The following TNPO1 variants were observed in gnomAD, a reference collection of about 807,000 sequenced individuals.
TNPO1 encodes transportin 1.
In TNPO1, 8 loss-of-function variants were observed where a neutral mutation model predicts 119.5. The ratio of observed to expected loss-of-function variants is 0.07; its 90% CI spans 0.04 to 0.12. The LOEUF (loss-of-function observed/expected upper bound fraction) is 0.12, where lower values mean the gene tolerates loss of function less well. Among genes scored for constraint, TNPO1 ranks in the 10% least tolerant of loss-of-function variants. The pLI, the probability that TNPO1 is intolerant of heterozygous loss-of-function variation, is 1.00. For missense variants in TNPO1, 576 were observed against 1,089.8 expected (o/e 0.53, Z 6.64); for synonymous variants, 362 against 363.0 (o/e 1.00, Z 0.03).
intron 11 of TNPO1, among the ~76,000 whole-genome samples, chr5:72,885,100 G>T (rs1236214389): frequency 3.9e-5 from 6 of 152,210 alleles, no homozygotes; most frequent in African/African-American, 1.4e-4. Flanking sequence ...TGCCTAATGT[G>T]CCAGGCACTA....
At chr5:72,857,623 T>C (rs1436466060) in intron 4 of TNPO1, among the ~76,000 whole-genome samples, 3 of 152,246 alleles carry the variant, frequency 2.0e-5, no homozygotes, top group Middle Eastern at 3.4e-3. Context: ...CATACGTAAG[T>C]GGAATGGAAT....
At chr5:72,818,277 G>T (rs549648217) in intron 1 of TNPO1, among the ~76,000 whole-genome samples, 1 of 152,126 alleles carries the variant, frequency 6.6e-6, no homozygotes, top group Non-Finnish European at 1.5e-5. Context: ...ACTCTCAGTG[G>T]CTTTATTACC....
intron 1 of TNPO1, among the ~76,000 whole-genome samples, chr5:72,831,389 AT>A (rs1487795568): frequency 6.6e-6 from 1 of 151,922 alleles, no homozygotes; most frequent in Non-Finnish European, 1.5e-5. Flanking sequence ...CATTTGAAAA[AT>A]TAGGAAATTA....
At position 72,870,487 on chromosome 5, in the gene TNPO1, C is replaced by T. The variant is rs563331650; in HGVS notation, c.597-2152C>T. 1.8e-3 allele frequency among the ~76,000 whole-genome samples: 267 copies of T among 152,016 alleles called. 2 individuals are homozygous for T. The highest frequency in any genetic ancestry group is 3.2e-3 in the Non-Finnish European group (215 of 67,912). On this transcript the variant is annotated intron_variant, in intron 6 of 24. Coordinates refer to ENST00000337273, the MANE Select transcript of TNPO1 (RefSeq NM_002270.4). ...AATTGCTTGTTTTTAATGAAGTTTT[C>T]TACTTTTCTTTTTAGAGGCCTTGAA...
Position 72,832,482 on chromosome 5 carries a change from C to A in TNPO1, c.15+15730C>A, listed in dbSNP as rs537008696. On this transcript the variant is annotated intron_variant, in intron 1 of 24. Transcript: ENST00000337273. ...TTAGGAGCTCTCTTTTATGCTTGTT[C>A]ATACAAAGCAGATATTCATCTGCTA... 7.9e-5 allele frequency among the ~76,000 whole-genome samples: 12 copies of A among 152,164 alleles called. No individual in the cohort carries two copies. In the East Asian group the frequency reaches 2.1e-3, roughly 27 times the overall value.
At chr5:72,861,102 G>A (rs1472626029) in intron 4 of TNPO1, among the ~76,000 whole-genome samples, 1 of 151,872 alleles carries the variant, frequency 6.6e-6, no homozygotes, top group Non-Finnish European at 1.5e-5. Flanking sequence ...GTAGAGATGG[G>A]GTTTCTCCAT....
At chr5:72,839,783 G>C (rs1361168247) in intron 1 of TNPO1, among the ~76,000 whole-genome samples, 1 of 152,114 alleles carries the variant, frequency 6.6e-6, no homozygotes, top group African/African-American at 2.4e-5. Flanking sequence ...TTCTCAACTG[G>C]CTATAAGTTC....
At chr5:72,823,042 C>G (rs1190156980) in intron 1 of TNPO1, among the ~76,000 whole-genome samples, 2 of 150,104 alleles carry the variant, frequency 1.3e-5, no homozygotes, top group Non-Finnish European at 1.5e-5. Flanking sequence ...AATTAACTAT[C>G]CATCATCTGC....
intron 1 of TNPO1, among the ~76,000 whole-genome samples, chr5:72,823,264 T>C (rs1292822891): frequency 1.3e-5 from 2 of 152,114 alleles, no homozygotes; most frequent in Non-Finnish European, 2.9e-5. Flanking sequence ...ATCTTCAGTT[T>C]TGAATTATGT....
chr5:72,834,516 A>G (rs1744607475), intron 1 of TNPO1, among the ~76,000 whole-genome samples: 1 of 152,270 alleles, frequency 6.6e-6, no homozygotes, highest in Non-Finnish European at 1.5e-5. Flanking sequence ...TTTAACAAAA[A>G]AGTTTAAAAA....
chr5:72,886,001 C>T (rs1470714341), intron 11 of TNPO1, among the ~76,000 whole-genome samples: 2 of 152,046 alleles, frequency 1.3e-5, no homozygotes, highest in African/African-American at 4.8e-5. Flanking sequence ...CTAACCCACT[C>T]CTACAGTAAC....
intron 24 of TNPO1, among the ~76,000 whole-genome samples, chr5:72,907,088 T>C (rs1412716299): frequency 6.6e-6 from 1 of 152,146 alleles, no homozygotes; most frequent in African/African-American, 2.4e-5. Context: ...AGAAATGGAC[T>C]CAAAGCTTCC....
chr5:72,839,588 T>G lies in TNPO1; in HGVS notation c.16-8797T>G, dbSNP rs1744826064. ...TGTAACTTTAAATAGTATGTTCTTA[T>G]GTTTTGGTTTTCATTAAAGACTTTT... On this transcript the variant is annotated intron_variant, in intron 1 of 24. Coordinates refer to ENST00000337273, the MANE Select transcript of TNPO1 (RefSeq NM_002270.4). 2.6e-5 allele frequency among the ~76,000 whole-genome samples: 4 copies of G among 152,204 alleles called. No homozygotes were observed. In the South Asian group the frequency reaches 8.3e-4, roughly 31 times the overall value.
chr5:72,824,844 A>G (rs1396769705), intron 1 of TNPO1, among the ~76,000 whole-genome samples: 1 of 151,946 alleles, frequency 6.6e-6, no homozygotes, highest in Non-Finnish European at 1.5e-5. Flanking sequence ...CCTATTCAAC[A>G]TCTCCCCTAA....
At chr5:72,830,297 G>T (rs1321843268) in intron 1 of TNPO1, among the ~76,000 whole-genome samples, 1 of 152,096 alleles carries the variant, frequency 6.6e-6, no homozygotes, top group African/African-American at 2.4e-5. Flanking sequence ...TTCCCGTAGA[G>T]TTTAAATTGC....
intron 1 of TNPO1, among the ~76,000 whole-genome samples, chr5:72,819,108 G>A (rs1027316548): frequency 1.6e-4 from 25 of 152,162 alleles, no homozygotes; most frequent in South Asian, 1.0e-3. Context: ...GGTTCTGCAG[G>A]CTGGGAAGTA....
chr5:72,856,456 C>T (rs1351070317), intron 4 of TNPO1, among the ~76,000 whole-genome samples: 1 of 152,136 alleles, frequency 6.6e-6, no homozygotes, highest in Non-Finnish European at 1.5e-5. Context: ...TGGTCTATAA[C>T]TCCTGACCTC....
intron 6 of TNPO1, chr5:72,871,938 A>G (rs1296243174): frequency 2.0e-5 from 3 of 152,244 alleles, no homozygotes; most frequent in Admixed American, 2.0e-4. Context: ...AGGGAAAAAA[A>G]TGACAACAAA....
chr5:72,865,171 G>A (rs1202507411), intron 5 of TNPO1, among the ~76,000 whole-genome samples: 1 of 152,086 alleles, frequency 6.6e-6, no homozygotes, highest in East Asian at 1.9e-4. Flanking sequence ...AGCGGGCATG[G>A]TGGCCCATGC....
Sources: allele counts gnomAD v4.1 joint callset (sites outside exome capture counted in the v4.1 genomes callset), GRCh38; gene constraint gnomAD v4.1.1; transcripts MANE v1.5; gene names NCBI Gene and HGNC (gene_info 2026-07-23, HGNC 2026-07-21).